SNX8: variants seen among roughly 807,000 people sequenced by gnomAD.
SNX8 encodes the protein sorting nexin 8, also known as sorting nexin-8.
A neutral mutation model predicts 51.6 loss-of-function variants in SNX8; 25 were observed. The ratio of observed to expected loss-of-function variants is 0.48; its 90% CI spans 0.35 to 0.68. The LOEUF (loss-of-function observed/expected upper bound fraction) is 0.68, where lower values mean the gene tolerates loss of function less well. SNX8 is among the 30% of genes least tolerant of loss of function. SNX8 has a pLI of 0.00. For synonymous variants in SNX8, 324 were observed against 277.0 expected (o/e 1.17, Z -1.68); for missense variants, 695 against 624.0 (o/e 1.11, Z -1.21).
intron 1 of SNX8, among the ~76,000 whole-genome samples, chr7:2,289,059 G>C (rs192870056): frequency 1.3e-5 from 2 of 152,260 alleles, no homozygotes; most frequent in Admixed American, 1.3e-4. Flanking sequence ...ATGTAACCAC[G>C]GTCGAAAGTC....
chr7:2,253,893 G>A lies in SNX8; in HGVS notation c.*1163C>T, dbSNP rs1795109143. On this transcript the variant is annotated 3_prime_UTR_variant, in exon 11 of 11. Transcript: ENST00000222990. The stretch of plus-strand genomic sequence containing the variant: ...GACCTCGGAAACCCTGGAGCCCGGC[G>A]GGCCTCTTCCAGCACCCCTCCCCGG... The A allele has an allele frequency of 6.6e-6, 1 of 152,330 alleles. No individual in the cohort carries two copies. Among genetic ancestry groups the A allele is most frequent in the South Asian group, 2.1e-4 (1 of 4,814 alleles). The allele number at this position is 152,330 out of a possible 1,614,324, so 9.4% of individuals were successfully genotyped here.
At chr7:2,278,651 C>CACTG (rs1447832126) in intron 1 of SNX8, among the ~76,000 whole-genome samples, 80 of 141,320 alleles carry the variant, frequency 5.7e-4, no homozygotes, top group African/African-American at 9.2e-4. Flanking sequence ...AAGCCGGACT[C>CACTG]ACACTACGGA....
intron 1 of SNX8, among the ~76,000 whole-genome samples, chr7:2,283,558 C>A (rs185538420): frequency 6.6e-6 from 1 of 152,318 alleles, no homozygotes. Context: ...GACCTGAATG[C>A]GCATTCCCAT....
chr7:2,268,555 GT>G (rs1795549740), intron 5 of SNX8, among the ~76,000 whole-genome samples: 1 of 146,340 alleles, frequency 6.8e-6, no homozygotes, highest in African/African-American at 2.5e-5. Context: ...AGGTGGGGGG[GT>G]CAGCCCCCCG....
upstream of SNX8, chr7:2,314,583 C>A: frequency 1.6e-6 from 1 of 641,612 alleles, no homozygotes; most frequent in South Asian, 6.9e-5. Context: ...CTCGCCCGGC[C>A]TCGCCACGCC....
chr7:2,271,097 G>A (rs990102825), intron 4 of SNX8, among the ~76,000 whole-genome samples: 5 of 152,200 alleles, frequency 3.3e-5, no homozygotes, highest in African/African-American at 1.2e-4. Flanking sequence ...AGGCTGGAGT[G>A]CAGTGGCACA....
chr7:2,338,820 T>C (rs1414078611), intron 1 of SNX8, among the ~76,000 whole-genome samples: 1 of 152,128 alleles, frequency 6.6e-6, no homozygotes. Flanking sequence ...TTCAGCACTT[T>C]GGGAGGCCGA....
At chr7:2,261,348 G>A (rs536312549) in intron 7 of SNX8, among the ~76,000 whole-genome samples, 8 of 152,294 alleles carry the variant, frequency 5.3e-5, no homozygotes, top group South Asian at 2.1e-4. Context: ...CAGGAGAATC[G>A]CTTGAACCCG....
chr7:2,310,253 CT>C (rs1482326191), intron 1 of SNX8, among the ~76,000 whole-genome samples: 1 of 151,994 alleles, frequency 6.6e-6, no homozygotes, highest in Non-Finnish European at 1.5e-5. Flanking sequence ...AGAACAGGCC[CT>C]GAAAAAAACC....
intron 1 of SNX8, among the ~76,000 whole-genome samples, chr7:2,345,262 G>A (rs1178874695): frequency 6.6e-6 from 1 of 152,182 alleles, no homozygotes; most frequent in African/African-American, 2.4e-5. Context: ...AACTAGAACA[G>A]CATGTACAGA....
intron 3 of SNX8, 94 bp from the exon 4 acceptor site, chr7:2,272,065 C>T: frequency 3.2e-6 from 5 of 1,540,438 alleles, no homozygotes; most frequent in Non-Finnish European, 4.4e-6. Flanking sequence ...CTAGAGGTGG[C>T]AGAGGGCCCA....
At chr7:2,258,124 C>T (rs1233519757) in intron 7 of SNX8, among the ~76,000 whole-genome samples, 3 of 151,932 alleles carry the variant, frequency 2.0e-5, no homozygotes, top group Non-Finnish European at 4.4e-5. Flanking sequence ...CATTCTCCTG[C>T]CTCAGCCTCC....
At position 2,263,783 on chromosome 7, in the gene SNX8, G is replaced by A. The variant is rs190201533; in HGVS notation, c.783-421C>T. ...GGCTGGAGTGCAGTGGCGCGATCTCGGCTCACTGCAACCTCCGCCTCCTAG... is the reference window on the plus strand; with the variant it reads ...GGCTGGAGTGCAGTGGCGCGATCTCAGCTCACTGCAACCTCCGCCTCCTAG... On this transcript the variant is annotated intron_variant, in intron 6 of 10. Coordinates refer to ENST00000222990, the MANE Select transcript of SNX8 (RefSeq NM_013321.4). Among the ~76,000 whole-genome samples, 699 of 152,080 alleles carry A rather than the reference G, an allele frequency of 4.6e-3. 4 individuals carry two copies. Among genetic ancestry groups the A allele is most frequent in the African/African-American group, 0.016 (676 of 41,476 alleles).
At chr7:2,342,965 T>C (rs911625016) in intron 1 of SNX8, among the ~76,000 whole-genome samples, 11 of 151,978 alleles carry the variant, frequency 7.2e-5, no homozygotes, top group Non-Finnish European at 1.3e-4. Flanking sequence ...GCTAATTTTT[T>C]TGTATTTTTA....
chr7:2,304,750 G>C (rs1796509293), intron 1 of SNX8, among the ~76,000 whole-genome samples: 1 of 152,070 alleles, frequency 6.6e-6, no homozygotes, highest in South Asian at 2.1e-4. Context: ...CCTGAGATAA[G>C]AAACTGCACA....
chr7:2,293,488 T>C (rs1298754586), intron 1 of SNX8, among the ~76,000 whole-genome samples: 1 of 149,780 alleles, frequency 6.7e-6, no homozygotes, highest in Non-Finnish European at 1.5e-5. Flanking sequence ...ACCCCATCTC[T>C]ACTAAAAATA....
At chr7:2,345,138 A>G (rs546665219) in intron 1 of SNX8, among the ~76,000 whole-genome samples, 5 of 152,310 alleles carry the variant, frequency 3.3e-5, no homozygotes, top group African/African-American at 1.2e-4. Context: ...CATAGAGACA[A>G]GCATAAGAGT....
At chr7:2,347,380 C>G (rs1375948882) in intron 1 of SNX8, among the ~76,000 whole-genome samples, 1 of 148,606 alleles carries the variant, frequency 6.7e-6, no homozygotes, top group African/African-American at 2.5e-5. Context: ...CCTCAGGAGG[C>G]TGAGACAGGA....
upstream of SNX8, among the ~76,000 whole-genome samples, chr7:2,316,409 T>G (rs1322326484): frequency 6.7e-6 from 1 of 149,178 alleles, no homozygotes; most frequent in Non-Finnish European, 1.5e-5. Flanking sequence ...ACGCAACCAC[T>G]CACTCACTGC....
Sources: allele counts gnomAD v4.1 joint callset (sites outside exome capture counted in the v4.1 genomes callset), GRCh38; gene constraint gnomAD v4.1.1; transcripts MANE v1.5; gene names NCBI Gene and HGNC (gene_info 2026-07-23, HGNC 2026-07-21).